DOCK8: variants seen among roughly 807,000 people sequenced by gnomAD.
DOCK8 encodes dedicator of cytokinesis protein 8.
Under a neutral mutation model 245.6 loss-of-function variants are expected in DOCK8, and 141 were observed. The ratio of observed to expected loss-of-function variants is 0.57; its 90% CI spans 0.50 to 0.66. DOCK8 has a LOEUF of 0.66. Among genes scored for constraint, DOCK8 ranks in the 30% least tolerant of loss-of-function variants. The pLI, the probability that DOCK8 is intolerant of heterozygous loss-of-function variation, is 0.00. For missense variants in DOCK8, 2,965 were observed against 2,603.4 expected (o/e 1.14, Z -3.02); for synonymous variants, 1,168 against 970.2 (o/e 1.20, Z -3.79).
chr9:305,400 A>G (rs1305934010), intron 5 of DOCK8, among the ~76,000 whole-genome samples: 2 of 150,102 alleles, frequency 1.3e-5, no homozygotes, highest in Non-Finnish European at 3.0e-5. Flanking sequence ...CTGCTGCCTC[A>G]GCCTCCCAGG....
At chr9:383,170 C>T (rs1398306801) in intron 22 of DOCK8, among the ~76,000 whole-genome samples, 6 of 151,696 alleles carry the variant, frequency 4.0e-5, no homozygotes, top group Non-Finnish European at 8.8e-5. Context: ...GAGGCCGAGG[C>T]GGGCGGATTA....
intron 5 of DOCK8, among the ~76,000 whole-genome samples, chr9:307,445 G>A (rs372165442): frequency 1.5e-5 from 2 of 134,780 alleles, no homozygotes; most frequent in African/African-American, 5.7e-5. Context: ...TACAACCTCC[G>A]CCTCCCAAGT....
In DOCK8 at chr9:418,162, G is replaced by A. The variant is rs752539212; in HGVS notation, c.3795G>A (p.Gly1265=). ...INQNVALAIA[G]NNFNLKTSGI... ...AGAATGTGGCTCTGGCCATAGCAGG[G>A]AATAATTTCAATTTGAAAACAAGTG... The change falls in exon 30 of 48, where the codon GGG becomes GGA. Residue 1265 remains glycine (G), a synonymous_variant. Coordinates refer to ENST00000432829, the MANE Select transcript of DOCK8 (RefSeq NM_203447.4). The A allele has an allele frequency of 1.9e-6, 3 of 1,614,214 alleles. No homozygotes were observed. Among genetic ancestry groups the A allele is most frequent in the South Asian group, 2.2e-5 (2 of 91,078 alleles).
At chr9:358,246 G>A (rs2052542305) in intron 14 of DOCK8, among the ~76,000 whole-genome samples, 1 of 151,798 alleles carries the variant, frequency 6.6e-6, no homozygotes, top group African/African-American at 2.4e-5. Flanking sequence ...CACCATGCCT[G>A]GCTAATAAAA....
At chr9:325,948 A>G (rs1427048867) in intron 8 of DOCK8, among the ~76,000 whole-genome samples, 1 of 152,222 alleles carries the variant, frequency 6.6e-6, no homozygotes, top group Non-Finnish European at 1.5e-5. Flanking sequence ...GGGAGAGGCT[A>G]CTGGAGGTGC....
At chr9:444,680 C>T (rs2057197924) in intron 43 of DOCK8, among the ~76,000 whole-genome samples, 1 of 152,202 alleles carries the variant, frequency 6.6e-6, no homozygotes, top group Admixed American at 6.5e-5. Flanking sequence ...GGCCACTTGG[C>T]ATCCTGAAGC....
At chr9:267,324 GC>G (rs1328444825) in intron 1 of DOCK8, among the ~76,000 whole-genome samples, 2 of 152,118 alleles carry the variant, frequency 1.3e-5, no homozygotes, top group Non-Finnish European at 2.9e-5. Context: ...TCCCACCTCA[GC>G]CCCCTGAGTA....
chr9:454,833 C>G (rs1047660461), intron 46 of DOCK8, among the ~76,000 whole-genome samples: 3 of 152,090 alleles, frequency 2.0e-5, no homozygotes, highest in Non-Finnish European at 2.9e-5. Flanking sequence ...ACTAAACATG[C>G]GTTTCTCATT....
At chr9:218,748 G>A (rs995625996) in intron 1 of DOCK8, among the ~76,000 whole-genome samples, 3 of 152,144 alleles carry the variant, frequency 2.0e-5, no homozygotes, top group African/African-American at 7.2e-5. Context: ...GGATAAAGAG[G>A]ACGAAAGTGT....
At chr9:283,645 T>A (rs115044733) in intron 2 of DOCK8, among the ~76,000 whole-genome samples, 2 of 152,196 alleles carry the variant, frequency 1.3e-5, no homozygotes, top group Non-Finnish European at 1.5e-5. Flanking sequence ...ACATGTGATA[T>A]CTGTCTTTCT....
At chr9:446,239 T>G in intron 43 of DOCK8, 131 bp from the exon 44 acceptor site, 1 of 804,840 alleles carries the variant, frequency 1.2e-6, no homozygotes, top group Non-Finnish European at 2.2e-6. Flanking sequence ...CATTCTCCCC[T>G]GCATCTGTAG....
intron 2 of DOCK8, 63 bp from the exon 3 acceptor site, chr9:286,398 G>T: frequency 1.9e-6 from 3 of 1,571,542 alleles, no homozygotes; most frequent in Admixed American, 1.8e-5. Flanking sequence ...ATCTACTATT[G>T]CCTTTGTGCT....
intron 22 of DOCK8, among the ~76,000 whole-genome samples, chr9:383,730 A>G (rs1390984909): frequency 7.0e-6 from 1 of 143,632 alleles, no homozygotes; most frequent in Non-Finnish European, 1.5e-5. Context: ...AAAAAATCCC[A>G]AGGAGCAATG....
intron 2 of DOCK8, among the ~76,000 whole-genome samples, chr9:285,770 C>G (rs752498155): frequency 6.6e-6 from 1 of 152,116 alleles, no homozygotes; most frequent in Non-Finnish European, 1.5e-5. Flanking sequence ...GCAAAGAACA[C>G]TTATTTCAAA....
chr9:260,796 G>T (rs962314870), intron 1 of DOCK8, among the ~76,000 whole-genome samples: 2 of 152,154 alleles, frequency 1.3e-5, no homozygotes, highest in Non-Finnish European at 2.9e-5. Flanking sequence ...GCAAAATGAA[G>T]ATCACCAGCA....
chr9:460,257 T>C (rs1320290782), intron 46 of DOCK8: 1 of 152,230 alleles, frequency 6.6e-6, no homozygotes, highest in Admixed American at 6.5e-5. Flanking sequence ...CAAGGGCACA[T>C]GGTGAGCAAT....
intron 1 of DOCK8, among the ~76,000 whole-genome samples, chr9:254,915 C>T (rs893366077): frequency 6.6e-6 from 1 of 152,170 alleles, no homozygotes; most frequent in Non-Finnish European, 1.5e-5. Flanking sequence ...GAATCAGAAT[C>T]TCAGGAGGGT....
chr9:352,311 TGCTCTTGG>T (rs2052208878), intron 14 of DOCK8, among the ~76,000 whole-genome samples: 1 of 152,184 alleles, frequency 6.6e-6, no homozygotes, highest in Non-Finnish European at 1.5e-5. Context: ...CTCACCGTGA[TGCTCTTGG>T]GGTGGAACAA....
intron 21 of DOCK8, among the ~76,000 whole-genome samples, 180 bp downstream of exon 21, chr9:380,115 C>T (rs1356644224): frequency 1.7e-5 from 2 of 118,852 alleles, no homozygotes; most frequent in African/African-American, 7.0e-5. Context: ...TCTGCAACCC[C>T]AGCACTCTAG....
Sources: gnomAD v4.1 joint callset for allele counts (sites outside exome capture counted in the v4.1 genomes callset) on GRCh38, gnomAD v4.1.1 for gene constraint, MANE v1.5 for transcripts, NCBI Gene and HGNC (gene_info 2026-07-23, HGNC 2026-07-21) for gene names.